Variants in TNPO3 observed in about 807,000 individuals in gnomAD.
The protein encoded by TNPO3 is transportin 3.
A neutral mutation model predicts 122.8 loss-of-function variants in TNPO3; 65 were observed. The observed-to-expected ratio is 0.53, with a 90% confidence interval of 0.43 to 0.65. The LOEUF (loss-of-function observed/expected upper bound fraction) is 0.65. TNPO3 is among the 30% of genes least tolerant of loss of function. The pLI, the probability that TNPO3 is intolerant of heterozygous loss-of-function variation, is 0.00. For missense variants in TNPO3, 850 were observed against 1,136.7 expected, an observed-to-expected ratio of 0.75 and a Z score of 3.63; for synonymous variants, 372 against 411.2, an observed-to-expected ratio of 0.90 and a Z score of 1.15.
chr7:129,040,025 C>T (rs1261520991), intron 1 of TNPO3, among the ~76,000 whole-genome samples: 1 of 152,104 alleles, frequency 6.6e-6, no homozygotes, highest in African/African-American at 2.4e-5. Context: ...GAGACCGAGG[C>T]AGGTGGATCA....
chr7:128,980,699 AAAAC>A (rs751978156), intron 14 of TNPO3, among the ~76,000 whole-genome samples: 10 of 152,194 alleles, frequency 6.6e-5, no homozygotes, highest in East Asian at 1.9e-4. Flanking sequence ...CTCCATCTCA[AAAAC>A]AAACAAACAA....
Position 128,955,040 on chromosome 7 carries a change from A to G in TNPO3, c.*377T>C. Reference sequence around the variant, plus strand: ...GTATGTGTGTGTGCGTGCATGTGTCATTTGCTACCAGGTGAATGTTTCAGT... The same window carrying G: ...GTATGTGTGTGTGCGTGCATGTGTCGTTTGCTACCAGGTGAATGTTTCAGT... On this transcript the variant is annotated 3_prime_UTR_variant, in exon 23 of 23. Coordinates refer to ENST00000265388, the MANE Select transcript of TNPO3 (RefSeq NM_012470.4). 1 of 311,728 alleles carries G rather than the reference A, an allele frequency of 3.2e-6. No homozygotes were observed. Among genetic ancestry groups the G allele is most frequent in the South Asian group, 2.5e-5 (1 of 39,540 alleles). The allele number at this position is 311,728 out of a possible 1,614,324, so 19.3% of individuals were successfully genotyped here.
intron 15 of TNPO3, 136 bp from the exon 16 acceptor site, chr7:128,979,259 G>T: frequency 9.8e-7 from 1 of 1,019,064 alleles, no homozygotes; most frequent in Non-Finnish European, 1.4e-6. Context: ...CACATGGCCA[G>T]CATGCTCAGG....
upstream of TNPO3, chr7:129,055,244 C>A (rs901743485): frequency 6.2e-6 from 1 of 161,842 alleles, no homozygotes; most frequent in Admixed American, 5.8e-5. Context: ...GGGCCAGGAG[C>A]CGGGAAGAAG....
intron 8 of TNPO3, among the ~76,000 whole-genome samples, chr7:128,996,842 G>C (rs1801387927): frequency 6.7e-6 from 1 of 149,620 alleles, no homozygotes; most frequent in Non-Finnish European, 1.5e-5. Flanking sequence ...GCTGCATCAA[G>C]TTGCTAAATC....
chr7:129,038,362 A>C (rs765231184), intron 1 of TNPO3, among the ~76,000 whole-genome samples: 9 of 152,242 alleles, frequency 5.9e-5, no homozygotes, highest in Non-Finnish European at 1.3e-4. Context: ...AGAAAAAGAA[A>C]TGCTTACACA....
chr7:128,972,605 G>A (rs767442508), intron 18 of TNPO3, 23 bp from the exon 19 acceptor site: 1 of 1,607,510 alleles, frequency 6.2e-7, no homozygotes, highest in East Asian at 2.2e-5. Context: ...GTGAGACTAG[G>A]TATAAATGAC....
Position 129,000,454 on chromosome 7 carries a change from A to G in TNPO3, c.986T>C (p.Ile329Thr), listed in dbSNP as rs1488253615. The G allele has an allele frequency of 6.2e-7, 1 of 1,614,068 alleles. No homozygotes were observed. Among genetic ancestry groups the G allele is most frequent in the East Asian group, 2.2e-5 (1 of 44,904 alleles). The change falls in exon 7 of 23, where the codon ATC becomes ACC. Residue 329 changes from isoleucine (I) to threonine (T), a missense_variant. Physicochemically the swap from Ile to Thr is moderately conservative, Grantham distance 89. Transcript: ENST00000265388. ...CTCATATTGAGGATGGCCTGCACAG[A>G]TAAGCAGCAGCTCCAGAGTTCGAAG... Reference protein sequence around the residue: ...GDLRTLELLLICAGHPQYEVV... With the variant: ...GDLRTLELLLTCAGHPQYEVV...
rs770573020 is a variant in TNPO3 at position 128,954,996 on chromosome 7, C to T, written c.*421G>A. On this transcript the variant is annotated 3_prime_UTR_variant, in exon 23 of 23. Coordinates refer to ENST00000265388, the MANE Select transcript of TNPO3 (RefSeq NM_012470.4). ...CCTTTTGTTTTTCTGTGTACACGTG[C>T]GCACTGGCGCTTGTGCGTGTATGTG... The T allele has an allele frequency of 2.2e-5, 5 of 225,056 alleles. No homozygotes were observed. Among genetic ancestry groups the T allele is most frequent in the Non-Finnish European group, 3.6e-5 (4 of 110,960 alleles). The allele number at this position is 225,056 out of a possible 1,614,324, so 13.9% of individuals were successfully genotyped here.
chr7:129,010,534 G>C (rs1803070873), intron 4 of TNPO3, among the ~76,000 whole-genome samples: 1 of 152,158 alleles, frequency 6.6e-6, no homozygotes, highest in East Asian at 1.9e-4. Context: ...GCTAAAGTCT[G>C]ATAGGGAATT....
chr7:128,994,101 C>T lies in TNPO3; in HGVS notation c.1159-187G>A, dbSNP rs182451317. The stretch of plus-strand genomic sequence containing the variant: ...AATTGTGAGGTATGCCAAGTCAAGA[C>T]AACCTATTCTCTGCCTTTACCAGGA... On this transcript the variant is annotated intron_variant, in intron 8 of 22. Coordinates refer to ENST00000265388, the MANE Select transcript of TNPO3 (RefSeq NM_012470.4). Among the ~76,000 whole-genome samples the T allele has an allele frequency of 2.6e-5, 4 of 152,286 alleles. No individual in the cohort carries two copies. In the East Asian group the frequency reaches 7.7e-4, roughly 29 times the overall value.
At chr7:129,048,221 C>A (rs1303364288) in intron 1 of TNPO3, among the ~76,000 whole-genome samples, 3 of 152,076 alleles carry the variant, frequency 2.0e-5, no homozygotes, top group Admixed American at 1.3e-4. Context: ...CAGAGTGAGA[C>A]CCTGTCTCAA....
chr7:129,053,506 A>AT (rs1415608403), intron 1 of TNPO3, among the ~76,000 whole-genome samples: 1 of 151,846 alleles, frequency 6.6e-6, no homozygotes, highest in East Asian at 1.9e-4. Context: ...AAAAAAAAAA[A>AT]AAAAAAAAGG....
intron 16 of TNPO3, among the ~76,000 whole-genome samples, chr7:128,976,683 T>C (rs893888479): frequency 3.3e-5 from 5 of 152,090 alleles, no homozygotes; most frequent in African/African-American, 1.2e-4. Context: ...TACTCCACTA[T>C]CCTCCCAGAA....
In TNPO3 at chr7:128,957,250, G is replaced by A. The variant is rs200504407; in HGVS notation, c.*5C>T. 5.8e-5 allele frequency: 94 copies of A among 1,613,948 alleles called. No homozygotes were observed. Among genetic ancestry groups the A allele is most frequent in the Non-Finnish European group, 7.7e-5 (91 of 1,179,916 alleles). On this transcript the variant is annotated 3_prime_UTR_variant, in exon 22 of 23. Transcript: ENST00000265388. The stretch of plus-strand genomic sequence containing the variant: ...TGGGTGACAGGCACAGTGCAGGAGT[G>A]TGAGCTATCGAAACAACCTGGTGAA...
intron 1 of TNPO3, 36 bp from the exon 2 acceptor site, chr7:129,018,193 A>G: frequency 6.3e-7 from 1 of 1,594,312 alleles, no homozygotes; most frequent in Non-Finnish European, 8.6e-7. Context: ...CTTAAAGAAG[A>G]CTACTTTTCT....
rs1809302562 is a variant in TNPO3 at position 129,054,871 on chromosome 7, C to A, written c.-101G>T. On this transcript the variant is annotated 5_prime_UTR_variant, in exon 1 of 23. Transcript: ENST00000265388. The stretch of plus-strand genomic sequence containing the variant: ...TTCCTCACTGTCTGGGCCACGGCCG[C>A]TCCCTGACTGGCGCCATCTCCTCCT... 2.6e-6 allele frequency: 4 copies of A among 1,514,234 alleles called. No homozygotes were observed. 93.8% of individuals were successfully genotyped at this position (1,514,234 alleles called of 1,614,324 possible). A position where few individuals can be genotyped will look rare whatever the true frequency, so the allele number is the denominator to read the frequency against.
chr7:129,005,887 T>C (rs1802531376), intron 4 of TNPO3, among the ~76,000 whole-genome samples: 1 of 150,348 alleles, frequency 6.7e-6, no homozygotes. Flanking sequence ...GTTCAAGCAA[T>C]TCCCCTGCCT....
chr7:128,982,118 TGGC>T (rs1437225428), intron 14 of TNPO3, 127 bp downstream of exon 14: 5 of 670,836 alleles, frequency 7.5e-6, no homozygotes, highest in Middle Eastern at 2.7e-4. Flanking sequence ...AGGTAACAGC[TGGC>T]TTAATTAGTC....
Sources: gnomAD v4.1 joint callset for allele counts (sites outside exome capture counted in the v4.1 genomes callset) on GRCh38, gnomAD v4.1.1 for gene constraint, MANE v1.5 for transcripts, NCBI Gene and HGNC (gene_info 2026-07-23, HGNC 2026-07-21) for gene names.